Variants in SUN1 observed in about 807,000 individuals in gnomAD.
SUN1 encodes SUN domain-containing protein 1.
In SUN1, 61 loss-of-function variants were observed where a neutral mutation model predicts 103.2. The ratio of observed to expected loss-of-function variants is 0.59; its 90% CI spans 0.48 to 0.73. The LOEUF (loss-of-function observed/expected upper bound fraction) is 0.73, where lower values mean the gene tolerates loss of function less well. Among genes scored for constraint, SUN1 ranks in the 30% least tolerant of loss-of-function variants. SUN1 has a pLI of 0.00. For synonymous variants in SUN1, 490 were observed against 425.7 expected (o/e 1.15, Z -1.86); for missense variants, 1,052 against 1,034.6 (o/e 1.02, Z -0.23).
At chr7:830,384 C>G (rs4721591), upstream of SUN1, among the ~76,000 whole-genome samples, 117,649 of 152,278 alleles carry the variant, frequency 0.77, 45,625 homozygotes, top group Admixed American at 0.83. Flanking sequence ...GGTGTCATTA[C>G]GCGGGGACTG....
At chr7:869,874 C>T (rs913908688) in intron 17 of SUN1, among the ~76,000 whole-genome samples, 1 of 152,060 alleles carries the variant, frequency 6.6e-6, no homozygotes, top group Non-Finnish European at 1.5e-5. Context: ...GAGAAACCCA[C>T]CATTCATACT....
Position 873,437 on chromosome 7 carries a change from C to T in SUN1, c.*106C>T, listed in dbSNP as rs1371981490. 56 of 1,089,664 alleles carry T rather than the reference C, an allele frequency of 5.1e-5. No individual in the cohort carries two copies. The highest frequency in any genetic ancestry group is 7.2e-5 in the Non-Finnish European group (53 of 738,354). 67.5% of individuals were successfully genotyped at this position (1,089,664 alleles called of 1,614,324 possible). On this transcript the variant is annotated 3_prime_UTR_variant, in exon 19 of 19. Transcript: ENST00000401592. Reference sequence around the variant, plus strand: ...TATACAATGATGGGACAGTGCCACACTCCTTCAATAAACGTGGCTGCTGGC... The same window carrying T: ...TATACAATGATGGGACAGTGCCACATTCCTTCAATAAACGTGGCTGCTGGC...
In SUN1 at chr7:843,463, C is replaced by T; in HGVS notation, c.601C>T (p.His201Tyr). 6.2e-7 allele frequency: 1 copy of T among 1,614,116 alleles called. No homozygotes were observed. The highest frequency in any genetic ancestry group is 8.5e-7 in the Non-Finnish European group (1 of 1,179,970). The change falls in exon 5 of 19, where the codon CAC (histidine) becomes TAC (tyrosine). Residue 201 changes from histidine (H) to tyrosine (Y), a missense_variant. This residue lies in a region of SUN1 where 846 missense variants were observed against 774.5 expected (regional missense o/e 1.09). Transcript: ENST00000401592. ...LSERKDVLTAHPAAPGPVSRV... is the reference protein window; with the variant it reads ...LSERKDVLTAYPAAPGPVSRV... The stretch of plus-strand genomic sequence containing the variant: ...CGAGCGCAAGGACGTGCTCACGGCG[C>T]ACCCCGCGGCCCCCGGGCCCGTGTC...
chr7:861,775 T>C (rs1267964140), intron 15 of SUN1, among the ~76,000 whole-genome samples: 1 of 152,208 alleles, frequency 6.6e-6, no homozygotes, highest in Admixed American at 6.5e-5. Context: ...GTTCAGTGCC[T>C]TCAGGAGAGA....
chr7:865,177 A>G (rs7780025), intron 15 of SUN1, among the ~76,000 whole-genome samples: 24,400 of 152,032 alleles, frequency 0.16, 2,083 homozygotes, highest in South Asian at 0.25. Context: ...GGCTGGAGTC[A>G]GTGACGTGAT....
intron 1 of SUN1, among the ~76,000 whole-genome samples, chr7:827,263 C>T (rs553913880): frequency 1.3e-5 from 2 of 152,154 alleles, no homozygotes; most frequent in East Asian, 1.9e-4. Context: ...CTCAAGTGAT[C>T]CTCCTGCCCG....
At chr7:841,401 G>T (rs930166492) in intron 2 of SUN1, among the ~76,000 whole-genome samples, 2 of 151,486 alleles carry the variant, frequency 1.3e-5, no homozygotes, top group South Asian at 2.1e-4. Context: ...CCGCCAACAC[G>T]CCCGGCTAAT....
chr7:830,967 GTA>G (rs1797393602), upstream of SUN1: 1 of 985,400 alleles, frequency 1.0e-6, no homozygotes, highest in African/African-American at 1.7e-5. Context: ...CAGGCATGGT[GTA>G]TAGGTGGAGG....
chr7:872,348 T>C, intron 17 of SUN1, 122 bp from the exon 18 acceptor site: 2 of 767,306 alleles, frequency 2.6e-6, no homozygotes, highest in South Asian at 1.7e-5. Flanking sequence ...GGAATGACCT[T>C]CTCTTACTGA....
chr7:815,572 T>A (rs560579635), upstream of SUN1, among the ~76,000 whole-genome samples: 4 of 151,634 alleles, frequency 2.6e-5, no homozygotes, highest in South Asian at 8.3e-4. Flanking sequence ...AGGGAGACCT[T>A]GTCTCAAAAA....
In SUN1 at chr7:843,217, G is replaced by C. The variant is rs779108386; in HGVS notation, c.463G>C (p.Asp155His). ...GTTTTTTTTTTTAGGTCTTGATGAT[G>C]ATGGTGATCTTAAAGGTAATTATTT... ...TVDHFWGLDD[D>H]GDLKGGNKAA... Residue 155 changes from aspartate to histidine, a missense_variant, in exon 4 of 19, where the codon GAT (aspartate) becomes CAT (histidine). By Grantham distance (81) the Asp-to-His change is moderately conservative. Transcript: ENST00000401592. 3.1e-6 allele frequency: 5 copies of C among 1,608,470 alleles called. No individual in the cohort carries two copies. The highest frequency in any genetic ancestry group is 4.2e-6 in the Non-Finnish European group (5 of 1,179,548).
At chr7:864,601 T>C (rs1388018070) in intron 15 of SUN1, among the ~76,000 whole-genome samples, 1 of 149,522 alleles carries the variant, frequency 6.7e-6, no homozygotes, top group Non-Finnish European at 1.5e-5. Flanking sequence ...ACAGTCACCC[T>C]GTTCTGCTAT....
chr7:826,539 C>T (rs1792171160), intron 1 of SUN1, among the ~76,000 whole-genome samples: 4 of 152,162 alleles, frequency 2.6e-5, no homozygotes. Context: ...GGGCTTGTGG[C>T]AGATGGCGCT....
chr7:821,639 T>G (rs1244013932), intron 1 of SUN1, among the ~76,000 whole-genome samples: 1 of 152,138 alleles, frequency 6.6e-6, no homozygotes, highest in African/African-American at 2.4e-5. Context: ...AGGGAGTGTT[T>G]TTTTGTGGGA....
At chr7:829,756 G>T (rs947113559), upstream of SUN1, among the ~76,000 whole-genome samples, 4 of 152,008 alleles carry the variant, frequency 2.6e-5, no homozygotes, top group Non-Finnish European at 5.9e-5. Context: ...GTGTTTCACT[G>T]TGTTAGCCAG....
chr7:842,253 G>A, intron 3 of SUN1, 123 bp downstream of exon 3: 1 of 1,079,654 alleles, frequency 9.3e-7, no homozygotes. Flanking sequence ...GGAGAGGGAG[G>A]CTGTGGCCAC....
chr7:864,318 C>T (rs10274541), intron 15 of SUN1, among the ~76,000 whole-genome samples: 67,245 of 151,830 alleles, frequency 0.44, 14,938 homozygotes, highest in East Asian at 0.5. Context: ...GAGGCTGAGG[C>T]GGGCAGATCA....
intron 1 of SUN1, chr7:832,861 TG>T (rs1379418434): frequency 8.6e-6 from 4 of 463,318 alleles, no homozygotes; most frequent in Admixed American, 3.6e-5. Context: ...CCCAGGTGGT[TG>T]TGATGTTGAG....
At chr7:820,339 G>A (rs531194962) in intron 1 of SUN1, among the ~76,000 whole-genome samples, 1 of 152,306 alleles carries the variant, frequency 6.6e-6, no homozygotes, top group East Asian at 1.9e-4. Flanking sequence ...TGGTGCTATT[G>A]TAAAATGAAT....
Sources: gnomAD v4.1 joint callset for allele counts (sites outside exome capture counted in the v4.1 genomes callset) on GRCh38, gnomAD v4.1.1 for gene constraint, gnomAD v4.1.1 regional missense constraint, MANE v1.5 for transcripts, NCBI Gene and HGNC (gene_info 2026-07-23, HGNC 2026-07-21) for gene names.